CSF1: variants seen among roughly 807,000 people sequenced by gnomAD.
CSF1 encodes macrophage colony-stimulating factor 1.
Under a neutral mutation model 48.9 loss-of-function variants are expected in CSF1, and 9 were observed. The observed-to-expected ratio is 0.18, with a 90% CI of 0.11 to 0.32. The LOEUF (loss-of-function observed/expected upper bound fraction) is 0.32. Ranked by LOEUF, CSF1 falls within the 10% of genes least tolerant of loss-of-function variation. The pLI is 1.00. For missense variants in CSF1, 672 were observed against 697.9 expected (o/e 0.96, Z 0.42); for synonymous variants, 305 against 284.1 (o/e 1.07, Z -0.74).
chr1:109,923,400 G>A lies in CSF1; in HGVS notation c.779G>A (p.Ser260Asn). 6.2e-7 allele frequency: 1 copy of A among 1,613,908 alleles called. No individual in the cohort carries two copies. Among genetic ancestry groups the A allele is most frequent in the Non-Finnish European group, 8.5e-7 (1 of 1,179,956 alleles). The change falls in exon 6 of 9, where the codon AGC becomes AAC. Residue 260 changes from serine to asparagine, a missense_variant. Ser to Asn is a conservative substitution (Grantham distance 46). This residue lies in a region of CSF1 where 591 missense variants were observed against 593.6 expected (regional missense o/e 1.00). Transcript: ENST00000329608. Reference protein sequence around the residue: ...KQRPPRSTCQSFEPPETPVVK... With the variant: ...KQRPPRSTCQNFEPPETPVVK... ...CGGCCACCCAGGAGCACCTGCCAGAGCTTTGAGCCGCCAGAGACCCCAGTT... is the reference window on the plus strand; with the variant it reads ...CGGCCACCCAGGAGCACCTGCCAGAACTTTGAGCCGCCAGAGACCCCAGTT...
At chr1:109,927,674 G>C (rs550200734) in intron 8 of CSF1, among the ~76,000 whole-genome samples, 1 of 152,160 alleles carries the variant, frequency 6.6e-6, no homozygotes, top group Non-Finnish European at 1.5e-5. Flanking sequence ...CACTTGGCCC[G>C]GCAGGTCCAG....
At chr1:109,920,411 G>A (rs903624025) in intron 4 of CSF1, among the ~76,000 whole-genome samples, 1 of 152,038 alleles carries the variant, frequency 6.6e-6, no homozygotes, top group Admixed American at 6.5e-5. Context: ...GGGATTACAG[G>A]CACGCACCAC....
chr1:109,923,710 T>C lies in CSF1; in HGVS notation c.1089T>C (p.Thr363=), dbSNP rs1647687999. 3.7e-6 allele frequency: 6 copies of C among 1,613,228 alleles called. No individual in the cohort carries two copies. Among genetic ancestry groups the C allele is most frequent in the Non-Finnish European group, 5.1e-6 (6 of 1,179,538 alleles). ...SAKGQQPADV[T]GTALPRVGPV... ...AGGGCCAACAGCCGGCAGATGTAAC[T>C]GGTACCGCCTTGCCCAGGGTGGGCC... is the stretch of plus-strand genomic sequence containing the variant. The change falls in exon 6 of 9, where the codon ACT becomes ACC. Residue 363 remains threonine, a synonymous_variant. Transcript: ENST00000329608.
upstream of CSF1, chr1:109,910,736 A>AGT (rs199542023): frequency 4.3e-3 from 1,145 of 268,470 alleles, 3 homozygotes; most frequent in East Asian, 0.013. Flanking sequence ...TGTCTGTGTC[A>AGT]GTGTGTGTGT....
chr1:109,917,396 T>C lies in CSF1; in HGVS notation c.329T>C (p.Val110Ala), dbSNP rs1318153180. ...AACACCCCCAATGCCATCGCCATTG[T>C]GCAGCTGCAGGAACTCTCTTTGAGG... Reference protein sequence around the residue: ...RDNTPNAIAIVQLQELSLRLK... With the variant: ...RDNTPNAIAIAQLQELSLRLK... Residue 110 changes from valine to alanine, a missense_variant, in exon 4 of 9, where the codon GTG becomes GCG. Around this residue, in one of 3 missense-constraint regions of CSF1, gnomAD observed 591 missense variants for 593.6 expected, o/e 1.00. Coordinates refer to ENST00000329608, the MANE Select transcript of CSF1 (RefSeq NM_000757.6). The C allele has an allele frequency of 1.9e-6, 3 of 1,614,236 alleles. No homozygotes were observed. The highest frequency in any genetic ancestry group is 1.6e-4 in the Middle Eastern group (1 of 6,062).
In CSF1 at chr1:109,914,261, A is replaced by G. The variant is rs1251230071; in HGVS notation, c.42A>G (p.Thr14=). 1 of 1,602,890 alleles carries G rather than the reference A, an allele frequency of 6.2e-7. No individual in the cohort carries two copies. ...AAATGACACCCTCTCTGTCACAGAC[A>G]TGGCTGGGCTCCCTGCTGTTGTTGG... ...PGAAGRCPPT[T]WLGSLLLLVC... Residue 14 remains threonine, a splice_region_variant and synonymous_variant, in exon 2 of 9, where the codon ACA becomes ACG. Transcript: ENST00000329608.
intron 8 of CSF1, among the ~76,000 whole-genome samples, chr1:109,928,432 T>C (rs929420176): frequency 3.3e-5 from 5 of 152,316 alleles, no homozygotes; most frequent in Non-Finnish European, 5.9e-5. Context: ...TCTTTGCTAG[T>C]GTTAGCAGGA....
rs200057930 is a variant in CSF1, at chr1:109,923,489, G to A, written c.868G>A (p.Gly290Arg). The change falls in exon 6 of 9, where the codon GGG becomes AGG. Residue 290 changes from glycine to arginine, a missense_variant. Gly to Arg is a moderately radical substitution (Grantham distance 125, BLOSUM62 -2). Around this residue, in one of 3 missense-constraint regions of CSF1, gnomAD observed 591 missense variants for 593.6 expected, o/e 1.00. Coordinates refer to ENST00000329608, the MANE Select transcript of CSF1 (RefSeq NM_000757.6). The stretch of plus-strand genomic sequence containing the variant: ...CCCCTCTGTCGGGGCCTTCAACCCC[G>A]GGATGGAGGATATTCTTGACTCTGC... Reference protein sequence around the residue: ...PRPSVGAFNPGMEDILDSAMG... With the variant: ...PRPSVGAFNPRMEDILDSAMG... 11 of 1,614,000 alleles carry A rather than the reference G, an allele frequency of 6.8e-6. No homozygotes were observed. The highest frequency in any genetic ancestry group is 5.3e-5 in the African/African-American group (4 of 74,910).
intron 1 of CSF1, among the ~76,000 whole-genome samples, chr1:109,912,620 C>G (rs59054948): frequency 0.032 from 4,886 of 152,272 alleles, 273 homozygotes; most frequent in African/African-American, 0.11. Flanking sequence ...CAAAGCCAGA[C>G]AGCCCTTGGG....
chr1:109,928,268 G>A lies in CSF1; in HGVS notation c.*14-584G>A, dbSNP rs114110373. Among the ~76,000 whole-genome samples, 1,024 of 152,336 alleles carry A rather than the reference G, an allele frequency of 6.7e-3. 16 individuals are homozygous for A. The highest frequency in any genetic ancestry group is 0.023 in the African/African-American group (975 of 41,572). ...CATCCAGGAGGGGCTGGGTTGCTTA[G>A]GGGTCGCGTGCCAAATGACAGTGTG... On this transcript the variant is annotated intron_variant, in intron 8 of 8. Coordinates refer to ENST00000329608, the MANE Select transcript of CSF1 (RefSeq NM_000757.6).
chr1:109,927,607 T>C (rs1647899545), intron 8 of CSF1, among the ~76,000 whole-genome samples: 1 of 151,944 alleles, frequency 6.6e-6, no homozygotes, highest in Non-Finnish European at 1.5e-5. Context: ...GCTTTCCTCT[T>C]CCCCCTCAAG....
At position 109,923,743 on chromosome 1, in the gene CSF1, G is replaced by T; in HGVS notation, c.1122G>T (p.Arg374Ser). 3 of 1,610,704 alleles carry T rather than the reference G, an allele frequency of 1.9e-6. No homozygotes were observed. The highest frequency in any genetic ancestry group is 2.5e-6 in the Non-Finnish European group (3 of 1,178,292). The change falls in exon 6 of 9, where the codon AGG becomes AGT. Residue 374 changes from arginine to serine, a missense_variant. Physicochemically the swap from Arg to Ser is moderately radical, Grantham distance 110 (BLOSUM62 -1). This residue lies in a region of CSF1 where 591 missense variants were observed against 593.6 expected (regional missense o/e 1.00). Coordinates refer to ENST00000329608, the MANE Select transcript of CSF1 (RefSeq NM_000757.6). ...CCTTGCCCAGGGTGGGCCCCGTGAG[G>T]CCCACTGGCCAGGACTGGAATCACA... ...GTALPRVGPV[R>S]PTGQDWNHTP...
At chr1:109,920,923 A>C (rs184244344) in intron 4 of CSF1, among the ~76,000 whole-genome samples, 1 of 152,242 alleles carries the variant, frequency 6.6e-6, no homozygotes, top group African/African-American at 2.4e-5. Context: ...AGGTGGGAGA[A>C]GACCCAGGAT....
At chr1:109,926,702 C>G (rs879522290) in intron 8 of CSF1, 4 of 152,150 alleles carry the variant, frequency 2.6e-5, no homozygotes, top group Non-Finnish European at 4.4e-5. Context: ...CATGCTCCTC[C>G]TGCTCTTTTG....
intron 1 of CSF1, among the ~76,000 whole-genome samples, chr1:109,912,156 C>A (rs1654716273): frequency 6.6e-6 from 1 of 151,560 alleles, no homozygotes; most frequent in African/African-American, 2.4e-5. Flanking sequence ...TAGCCATAGG[C>A]AGAAAGCAAA....
At chr1:109,914,086 G>A (rs1206059164) in intron 1 of CSF1, among the ~76,000 whole-genome samples, 173 bp from the exon 2 acceptor site, 1 of 152,228 alleles carries the variant, frequency 6.6e-6, no homozygotes, top group Admixed American at 6.5e-5. Flanking sequence ...AGGTTGTGCT[G>A]TGGCTGCTAG....
chr1:109,918,942 G>A (rs143744721), intron 4 of CSF1, among the ~76,000 whole-genome samples: 132 of 152,214 alleles, frequency 8.7e-4, no homozygotes, highest in Non-Finnish European at 8.7e-4. Flanking sequence ...CAGAGGATGG[G>A]GGACCTGGCA....
chr1:109,923,248 G>T lies in CSF1; in HGVS notation c.627G>T (p.Gln209His), dbSNP rs111387080. 10 of 1,597,324 alleles carry T rather than the reference G, an allele frequency of 6.3e-6. No individual in the cohort carries two copies. The African/African-American group carries it at 9.4e-5, about 15-fold the overall frequency. Reference protein sequence around the residue: ...SSDPASVSPHQPLAPSMAPVA... With the variant: ...SSDPASVSPHHPLAPSMAPVA... ...ACCCGGCCTCTGTCTCCCCTCATCA[G>T]CCCCTCGCCCCCTCCATGGCCCCTG... The change falls in exon 6 of 9, where the codon CAG (glutamine) becomes CAT (histidine). Residue 209 changes from glutamine to histidine, a missense_variant. Transcript: ENST00000329608.
intron 7 of CSF1, 136 bp from the exon 8 acceptor site, chr1:109,925,011 T>A: frequency 9.5e-7 from 1 of 1,056,500 alleles, no homozygotes; most frequent in Non-Finnish European, 1.5e-6. Flanking sequence ...GATTTCTCCG[T>A]AGAGTTAGAC....
Sources: gnomAD v4.1 joint callset for allele counts (sites outside exome capture counted in the v4.1 genomes callset) on GRCh38, gnomAD v4.1.1 for gene constraint, gnomAD v4.1.1 regional missense constraint, MANE v1.5 for transcripts, NCBI Gene and HGNC (gene_info 2026-07-23, HGNC 2026-07-21) for gene names.